CROCC: variants seen among roughly 807,000 people sequenced by gnomAD.
The protein encoded by CROCC is ciliary rootlet coiled-coil, rootletin.
In CROCC, 180 loss-of-function variants were observed where a neutral mutation model predicts 245.2. The ratio of observed to expected loss-of-function variants is 0.73; its 90% CI spans 0.65 to 0.83. The LOEUF is 0.83. CROCC is among the 40% of genes least tolerant of loss of function. CROCC has a pLI of 0.00. For synonymous variants in CROCC, 1,205 were observed against 1,241.6 expected (o/e 0.97, Z 0.62); for missense variants, 2,688 against 2,779.4 (o/e 0.97, Z 0.74).
At position 16,956,032 on chromosome 1, in the gene CROCC, T is replaced by C; in HGVS notation, c.3740T>C (p.Leu1247Pro). The change falls in exon 25 of 37, where the codon CTG (leucine) becomes CCG (proline). Residue 1247 changes from leucine to proline, a missense_variant. Leu to Pro is a moderately conservative substitution (Grantham distance 98). This residue lies in a region of CROCC where 1,218 missense variants were observed against 1,286.3 expected (regional missense o/e 0.95). Coordinates refer to ENST00000375541, the MANE Select transcript of CROCC (RefSeq NM_014675.5). ...KLANEDKEQK[L>P]ALLEEARTAV... ...GCCAATGAGGACAAGGAGCAGAAGCTGGCACTCCTAGAGGAGGCACGGACA... is the reference window on the plus strand; with the variant it reads ...GCCAATGAGGACAAGGAGCAGAAGCCGGCACTCCTAGAGGAGGCACGGACA... 1 of 1,551,052 alleles carries C rather than the reference T, an allele frequency of 6.4e-7. No homozygotes were observed. The highest frequency in any genetic ancestry group is 8.7e-7 in the Non-Finnish European group (1 of 1,147,032).
At chr1:16,949,472 G>A (rs1206393512) in intron 19 of CROCC, among the ~76,000 whole-genome samples, 1 of 152,336 alleles carries the variant, frequency 6.6e-6, no homozygotes, top group East Asian at 1.9e-4. Context: ...TTTCCAACCC[G>A]GGAGATGGTT....
intron 20 of CROCC, among the ~76,000 whole-genome samples, chr1:16,952,400 G>A (rs544952863): frequency 3.3e-5 from 5 of 151,974 alleles, no homozygotes; most frequent in African/African-American, 9.6e-5. Context: ...CAGAAGAATC[G>A]CTTCAACCTG....
At chr1:16,938,040 C>G (rs7513278) in intron 10 of CROCC, among the ~76,000 whole-genome samples, 5 of 152,182 alleles carry the variant, frequency 3.3e-5, no homozygotes, top group African/African-American at 1.2e-4. Flanking sequence ...CTCCCATCCA[C>G]GCTCTCCAGG....
At position 16,971,342 on chromosome 1, in the gene CROCC, A is replaced by G. The variant is rs545902216; in HGVS notation, c.5785-123A>G. ...GGGCCAGCAGGATGGAAGACACACA[A>G]GGATCTCTCCTGCCTTCCCCCTCTG... is the stretch of plus-strand genomic sequence containing the variant. On this transcript the variant is annotated intron_variant, in intron 35 of 36. Coordinates refer to ENST00000375541, the MANE Select transcript of CROCC (RefSeq NM_014675.5). 4.8e-5 allele frequency: 65 copies of G among 1,363,998 alleles called. No homozygotes were observed. In the African/African-American group the frequency reaches 8.2e-4, roughly 17 times the overall value. 84.5% of individuals were successfully genotyped at this position (1,363,998 alleles called of 1,614,324 possible). A position where few individuals can be genotyped will look rare whatever the true frequency, so the allele number is the denominator to read the frequency against.
chr1:16,971,362 C>G, intron 35 of CROCC, 103 bp from the exon 36 acceptor site: 2 of 1,423,952 alleles, frequency 1.4e-6, no homozygotes, highest in Non-Finnish European at 9.2e-7. Flanking sequence ...CTGCCTTCCC[C>G]CTCTGCACTG....
At position 16,969,227 on chromosome 1, in the gene CROCC, G is replaced by A. The variant is rs2076471029; in HGVS notation, c.5188G>A (p.Gly1730Ser). ...GGGGGCCCTGCGGGACAAGGTGCGG[G>A]GCCTGACAGAGGCCCTGGCCCAGAG... ...SEGALRDKVRGLTEALAQSSA... is the reference protein window; with the variant it reads ...SEGALRDKVRSLTEALAQSSA... Residue 1730 changes from glycine to serine, a missense_variant, in exon 32 of 37, where the codon GGC becomes AGC. Transcript: ENST00000375541. The A allele has an allele frequency of 3.7e-6, 6 of 1,613,288 alleles. No individual in the cohort carries two copies. The highest frequency in any genetic ancestry group is 5.1e-6 in the Non-Finnish European group (6 of 1,179,744).
chr1:16,929,644 G>A (rs201096787), intron 3 of CROCC, among the ~76,000 whole-genome samples: 24 of 151,294 alleles, frequency 1.6e-4, no homozygotes, highest in African/African-American at 3.9e-4. Context: ...TGCATGCCCC[G>A]TCTGCGTGCC....
chr1:16,947,932 G>C (rs544763951), intron 17 of CROCC, among the ~76,000 whole-genome samples: 10 of 152,350 alleles, frequency 6.6e-5, no homozygotes, highest in African/African-American at 2.2e-4. Context: ...TCCGCCTCCA[G>C]GGTTTAAGCT....
chr1:16,917,483 G>A (rs1327437526), upstream of CROCC, among the ~76,000 whole-genome samples: 1 of 151,894 alleles, frequency 6.6e-6, no homozygotes, highest in Admixed American at 6.6e-5. Context: ...CAAAAGGCAA[G>A]TTTGGAGGGT....
rs2076458270 is a variant in CROCC at position 16,968,488 on chromosome 1, C to T, written c.5076+70C>T. The T allele has an allele frequency of 2.1e-6, 3 of 1,395,810 alleles. No individual in the cohort carries two copies. The African/African-American group carries it at 4.4e-5, about 20-fold the overall frequency. 86.5% of individuals were successfully genotyped at this position (1,395,810 alleles called of 1,614,324 possible). ...TGCCAAGAGCTTTGTAGGCACTACG[C>T]AGTCCCCCAACAACCCTGTGAGGCA... On this transcript the variant is annotated intron_variant, in intron 31 of 36. Coordinates refer to ENST00000375541, the MANE Select transcript of CROCC (RefSeq NM_014675.5).
In CROCC at chr1:16,958,817, AATGCTGGGGCC is replaced by A. The variant is rs2100518219; in HGVS notation, c.4032+70_4032+80del. On this transcript the variant is annotated intron_variant, in intron 26 of 36. Transcript: ENST00000375541. Reference sequence around the variant, plus strand: ...CCAGCAGGAAGCAGGTGGGCACCCCAATGCTGGGGCCATTCTGAAAGGCCACTCCCTAGGGC... The same window carrying A: ...CCAGCAGGAAGCAGGTGGGCACCCCAATTCTGAAAGGCCACTCCCTAGGGC... 2.0e-6 allele frequency: 3 copies of A among 1,506,328 alleles called. No homozygotes were observed. The South Asian group carries it at 3.8e-5, about 19-fold the overall frequency. 93.3% of individuals were successfully genotyped at this position (1,506,328 alleles called of 1,614,324 possible). A position where few individuals can be genotyped will look rare whatever the true frequency, so the allele number is the denominator to read the frequency against.
chr1:16,952,330 A>T (rs922958111), intron 20 of CROCC, among the ~76,000 whole-genome samples: 4 of 151,828 alleles, frequency 2.6e-5, no homozygotes, highest in Non-Finnish European at 4.4e-5. Flanking sequence ...TAAAAATCAC[A>T]AAAAATTAGC....
chr1:16,915,928 C>T (rs1299236539), intron 1 of CROCC, among the ~76,000 whole-genome samples: 12 of 152,166 alleles, frequency 7.9e-5, no homozygotes, highest in Non-Finnish European at 1.6e-4. Flanking sequence ...CCTGTAATTC[C>T]AGCACTTTGG....
upstream of CROCC, among the ~76,000 whole-genome samples, chr1:16,917,331 C>T (rs1388165239): frequency 1.6e-4 from 25 of 152,386 alleles, no homozygotes; most frequent in African/African-American, 5.0e-4. Flanking sequence ...GGGCCTGGCT[C>T]GTGGTTGGTT....
At chr1:16,923,959 C>T (rs535712261) in intron 2 of CROCC, among the ~76,000 whole-genome samples, 10 of 152,354 alleles carry the variant, frequency 6.6e-5, no homozygotes, top group South Asian at 2.1e-4. Context: ...GGATTACAGG[C>T]GTGAGTCCGT....
intron 32 of CROCC, 121 bp from the exon 33 acceptor site, chr1:16,969,664 C>T: frequency 7.2e-7 from 1 of 1,396,922 alleles, no homozygotes; most frequent in Non-Finnish European, 9.6e-7. Context: ...GGTGTGCACC[C>T]CACCCTCCAG....
At chr1:16,947,391 C>T (rs1345016171) in intron 17 of CROCC, among the ~76,000 whole-genome samples, 1 of 152,196 alleles carries the variant, frequency 6.6e-6, no homozygotes, top group African/African-American at 2.4e-5. Flanking sequence ...ATCGCTTGAA[C>T]CCAGGAGGCA....
At chr1:16,950,496 TA>T in intron 19 of CROCC, among the ~76,000 whole-genome samples, 1 of 151,976 alleles carries the variant, frequency 6.6e-6, no homozygotes, top group East Asian at 1.9e-4. Flanking sequence ...AGGCTGGGAC[TA>T]CATACGCCTG....
At chr1:16,933,560 C>G (rs1476638171) in intron 8 of CROCC, among the ~76,000 whole-genome samples, 1 of 152,214 alleles carries the variant, frequency 6.6e-6, no homozygotes, top group African/African-American at 2.4e-5. Flanking sequence ...TAAATGTTTG[C>G]TTTGTCTTTT....
Sources: gnomAD v4.1 joint callset for allele counts (sites outside exome capture counted in the v4.1 genomes callset) on GRCh38, gnomAD v4.1.1 for gene constraint, gnomAD v4.1.1 regional missense constraint, MANE v1.5 for transcripts, NCBI Gene and HGNC (gene_info 2026-07-23, HGNC 2026-07-21) for gene names.